Variants in SP4 observed in about 807,000 individuals in gnomAD.
The protein encoded by SP4 is Sp4 transcription factor.
A neutral mutation model predicts 72.8 loss-of-function variants in SP4; 19 were observed. The observed-to-expected ratio is 0.26, with a 90% CI of 0.18 to 0.38. The LOEUF (loss-of-function observed/expected upper bound fraction) is 0.38, where lower values mean the gene tolerates loss of function less well. Ranked by LOEUF, SP4 falls within the 10% of genes least tolerant of loss-of-function variation. The probability of loss-of-function intolerance (pLI) is 1.00; values close to 1 mark genes in which losing one functional copy is unlikely to be tolerated. For missense variants in SP4, 1,008 were observed against 926.3 expected, an observed-to-expected ratio of 1.09 and a Z score of -1.14; for synonymous variants, 395 against 333.1, an observed-to-expected ratio of 1.19 and a Z score of -2.02.
intron 4 of SP4, among the ~76,000 whole-genome samples, chr7:21,477,781 T>C (rs1267802663): frequency 3.3e-5 from 5 of 152,182 alleles, no homozygotes; most frequent in African/African-American, 7.2e-5. Context: ...CCTCAGGTGA[T>C]CCACCCACCT....
intron 5 of SP4, chr7:21,482,812 C>G: frequency 1.1e-6 from 1 of 936,708 alleles, no homozygotes; most frequent in Non-Finnish European, 1.3e-6. Flanking sequence ...GTTTTGAGAT[C>G]TGTTTGTACA....
chr7:21,503,710 T>C (rs968885473), intron 5 of SP4, among the ~76,000 whole-genome samples: 2 of 152,238 alleles, frequency 1.3e-5, no homozygotes, highest in African/African-American at 4.8e-5. Flanking sequence ...GTAAATACTT[T>C]AGTCTTCCTA....
At chr7:21,440,851 A>AAACAACAACAAC (rs779338567) in intron 3 of SP4, among the ~76,000 whole-genome samples, 1 of 138,494 alleles carries the variant, frequency 7.2e-6, no homozygotes, top group Non-Finnish European at 1.5e-5. Flanking sequence ...CCCTGTCTCA[A>AAACAACAACAAC]AACAACAACA....
In SP4 at chr7:21,477,071, C is replaced by G; in HGVS notation, c.1679-8C>G. 6.3e-7 allele frequency: 1 copy of G among 1,592,504 alleles called. No individual in the cohort carries two copies. The highest frequency in any genetic ancestry group is 8.6e-7 in the Non-Finnish European group (1 of 1,167,068). On this transcript the variant is annotated splice_region_variant and splice_polypyrimidine_tract_variant and intron_variant, in intron 3 of 5. Coordinates refer to ENST00000222584, the MANE Select transcript of SP4 (RefSeq NM_003112.5). ...ATTACAATACTTCTTTTTTTTCTTC[C>G]TTTTTAGGTCAGCAGCAAGGACAAG...
rs900278173 is a variant in SP4, at chr7:21,506,808, G to A, written c.2108-4214G>A. On this transcript the variant is annotated intron_variant, in intron 5 of 5. Coordinates refer to ENST00000222584, the MANE Select transcript of SP4 (RefSeq NM_003112.5). ...GAGCATTTTCTCATCTGATCTCTGA[G>A]CCTATATAGGAATGCAGAAGGAGTT... Among the ~76,000 whole-genome samples the A allele has an allele frequency of 3.9e-5, 6 of 152,166 alleles. No homozygotes were observed. In the East Asian group the frequency reaches 9.6e-4, roughly 24 times the overall value.
chr7:21,495,505 A>T (rs928143181), intron 5 of SP4, among the ~76,000 whole-genome samples: 5 of 152,100 alleles, frequency 3.3e-5, no homozygotes, highest in Non-Finnish European at 5.9e-5. Context: ...GATATCATCT[A>T]TTAGGGAAAT....
rs1167284577 is a variant in SP4 at position 21,514,624 on chromosome 7, C to G, written c.*3355C>G. ...GACAATTATTCTGCCAGCAAAGCCT[C>G]TGGGGCTGTAATTGACATTTTTACA... On this transcript the variant is annotated 3_prime_UTR_variant, in exon 6 of 6. Transcript: ENST00000222584. 1 of 151,704 alleles carries G rather than the reference C, an allele frequency of 6.6e-6. No homozygotes were observed. Among genetic ancestry groups the G allele is most frequent in the African/African-American group, 2.4e-5 (1 of 41,308 alleles). 9.4% of individuals were successfully genotyped at this position (151,704 alleles called of 1,614,324 possible). A position where few individuals can be genotyped will look rare whatever the true frequency, so the allele number is the denominator to read the frequency against.
chr7:21,441,812 A>G (rs779933410), intron 3 of SP4, among the ~76,000 whole-genome samples: 4 of 152,144 alleles, frequency 2.6e-5, no homozygotes, highest in Non-Finnish European at 5.9e-5. Context: ...AGGTAAAAAC[A>G]TCAGGTTGGT....
In SP4 at chr7:21,462,027, G is replaced by GTTT. The variant is rs773196151; in HGVS notation, c.1679-15036_1679-15034dup. ...TTTATAAAGCAGTGTTTTAGTTTTA[G>GTTT]TTTTTTTTTTTTTTTTTTGAAGACA... On this transcript the variant is annotated intron_variant, in intron 3 of 5. Coordinates refer to ENST00000222584, the MANE Select transcript of SP4 (RefSeq NM_003112.5). Among the ~76,000 whole-genome samples, 51 of 132,790 alleles carry GTTT rather than the reference G, an allele frequency of 3.8e-4. 2 individuals are homozygous for GTTT. Among genetic ancestry groups the GTTT allele is most frequent in the African/African-American group, 4.8e-4 (17 of 35,574 alleles). 87.1% of individuals were successfully genotyped at this position (132,790 alleles called of 152,430 possible). A position where few individuals can be genotyped will look rare whatever the true frequency, so the allele number is the denominator to read the frequency against.
chr7:21,465,562 C>T (rs1006688508), intron 3 of SP4, among the ~76,000 whole-genome samples: 1 of 152,068 alleles, frequency 6.6e-6, no homozygotes, highest in Admixed American at 6.6e-5. Flanking sequence ...TGAGTAAGTG[C>T]GAGTGATTAT....
At chr7:21,448,899 T>A (rs1783503877) in intron 3 of SP4, among the ~76,000 whole-genome samples, 1 of 152,220 alleles carries the variant, frequency 6.6e-6, no homozygotes, top group Admixed American at 6.5e-5. Context: ...TTACTTGGCT[T>A]GATTGAGTAT....
rs777568875 is a variant in SP4 at position 21,482,161 on chromosome 7, C to G, written c.2107+38C>G. The G allele has an allele frequency of 1.2e-5, 18 of 1,523,156 alleles. No individual in the cohort carries two copies. In the East Asian group the frequency reaches 3.6e-4, roughly 31 times the overall value. The allele number at this position is 1,523,156 out of a possible 1,614,324, so 94.4% of individuals were successfully genotyped here. A position where few individuals can be genotyped will look rare whatever the true frequency, so the allele number is the denominator to read the frequency against. ...TAGGACTTGTACTTTTTACTTATTT[C>G]TTCAGTTTTTACATGAAAATTTTAG... On this transcript the variant is annotated intron_variant, in intron 5 of 5. Coordinates refer to ENST00000222584, the MANE Select transcript of SP4 (RefSeq NM_003112.5).
At chr7:21,445,626 T>C (rs1699404067) in intron 3 of SP4, among the ~76,000 whole-genome samples, 1 of 152,168 alleles carries the variant, frequency 6.6e-6, no homozygotes, top group South Asian at 2.1e-4. Flanking sequence ...TCTTAGATTA[T>C]TGCTGTTTTT....
chr7:21,495,050 C>T (rs1463832405), intron 5 of SP4, among the ~76,000 whole-genome samples: 1 of 152,098 alleles, frequency 6.6e-6, no homozygotes, highest in Non-Finnish European at 1.5e-5. Context: ...AACCTTTAAC[C>T]TACATATCTC....
intron 3 of SP4, among the ~76,000 whole-genome samples, chr7:21,436,903 G>C (rs1027383291): frequency 2.6e-5 from 4 of 152,152 alleles, no homozygotes; most frequent in Non-Finnish European, 5.9e-5. Flanking sequence ...TTGAAGCCCA[G>C]AAAGGTTAAA....
At chr7:21,439,023 A>AT (rs1251324184) in intron 3 of SP4, among the ~76,000 whole-genome samples, 1 of 152,198 alleles carries the variant, frequency 6.6e-6, no homozygotes, top group Non-Finnish European at 1.5e-5. Flanking sequence ...ACAGGTATGT[A>AT]TGTATGTATG....
intron 5 of SP4, among the ~76,000 whole-genome samples, chr7:21,488,108 A>T (rs912000541): frequency 6.6e-6 from 1 of 151,990 alleles, no homozygotes; most frequent in Non-Finnish European, 1.5e-5. Context: ...CAAGCAATCC[A>T]TCCTCCTCAG....
chr7:21,504,723 A>C (rs1195265480), intron 5 of SP4, among the ~76,000 whole-genome samples: 1 of 152,212 alleles, frequency 6.6e-6, no homozygotes, highest in Non-Finnish European at 1.5e-5. Context: ...TATTTTATGA[A>C]GAACGTGTTC....
At chr7:21,431,737 C>T (rs979200119) in intron 3 of SP4, among the ~76,000 whole-genome samples, 1 of 152,026 alleles carries the variant, frequency 6.6e-6, no homozygotes, top group Admixed American at 6.6e-5. Context: ...GTAATTAAAC[C>T]CTTTTCATTG....
Sources: gnomAD v4.1 joint callset for allele counts (sites outside exome capture counted in the v4.1 genomes callset) on GRCh38, gnomAD v4.1.1 for gene constraint, MANE v1.5 for transcripts, NCBI Gene and HGNC (gene_info 2026-07-23, HGNC 2026-07-21) for gene names.